Variants in SOS2 observed in about 807,000 individuals in gnomAD.
SOS2 encodes the protein son of sevenless homolog 2.
SOS2 carries 65 observed loss-of-function variants against 148.2 expected under a neutral mutation model. That is an observed-to-expected ratio of 0.44 (90% CI 0.36 to 0.54). SOS2 has a LOEUF of 0.54. Ranked by LOEUF, SOS2 falls within the 20% of genes least tolerant of loss-of-function variation. The probability of loss-of-function intolerance (pLI) is 0.00; values close to 1 mark genes in which losing one functional copy is unlikely to be tolerated. For missense variants in SOS2, 1,341 were observed against 1,590.2 expected (o/e 0.84, Z 2.67); for synonymous variants, 539 against 537.1 (o/e 1.00, Z -0.05).
At chr14:50,200,213 CCT>C (rs1317856222) in intron 3 of SOS2, among the ~76,000 whole-genome samples, 1 of 151,966 alleles carries the variant, frequency 6.6e-6, no homozygotes, top group East Asian at 1.9e-4. Flanking sequence ...ACCAGTATCC[CCT>C]AATTACAGTA....
chr14:50,203,956 C>T (rs1046160845), intron 2 of SOS2, among the ~76,000 whole-genome samples: 1 of 151,972 alleles, frequency 6.6e-6, no homozygotes, highest in African/African-American at 2.4e-5. Flanking sequence ...AGATATTTTC[C>T]AGAATTTTCT....
chr14:50,146,715 C>T (rs1884486542), intron 14 of SOS2, among the ~76,000 whole-genome samples: 1 of 152,036 alleles, frequency 6.6e-6, no homozygotes, highest in Non-Finnish European at 1.5e-5. Flanking sequence ...GCATTATTTG[C>T]AAGAGTGAAT....
At chr14:50,140,162 C>T in intron 16 of SOS2, 103 bp from the exon 17 acceptor site, 1 of 604,738 alleles carries the variant, frequency 1.7e-6, no homozygotes, top group Non-Finnish European at 2.9e-6. Flanking sequence ...ATCTGGAAAA[C>T]AATTTTTTTA....
At chr14:50,187,587 G>A (rs1885958718) in intron 5 of SOS2, among the ~76,000 whole-genome samples, 1 of 151,686 alleles carries the variant, frequency 6.6e-6, no homozygotes, top group Admixed American at 6.6e-5. Flanking sequence ...CTGACCACGT[G>A]ATCTGCCTGC....
chr14:50,150,208 T>G lies in SOS2; in HGVS notation c.2184A>C (p.Val728=), dbSNP rs776046903. ...SVRGKAMKKW[V]ESIAKIIRRK... The stretch of plus-strand genomic sequence containing the variant: ...TCCTGATGATCTTAGCAATTGACTC[T>G]ACCCATTTTTTCATAGCTTTCCCTG... The change falls in exon 14 of 23, where the codon GTA becomes GTC. Residue 728 remains valine (V), a synonymous_variant. Transcript: ENST00000216373. The G allele has an allele frequency of 1.1e-5, 17 of 1,611,038 alleles. No homozygotes were observed. The highest frequency in any genetic ancestry group is 1.4e-5 in the Non-Finnish European group (17 of 1,177,342).
chr14:50,134,930 G>T (rs1261810352), intron 18 of SOS2, among the ~76,000 whole-genome samples: 1 of 151,612 alleles, frequency 6.6e-6, no homozygotes, highest in Non-Finnish European at 1.5e-5. Flanking sequence ...AAAATTAGCT[G>T]GGCGTGGTGG....
chr14:50,150,503 T>C (rs974208778), intron 13 of SOS2, among the ~76,000 whole-genome samples: 6 of 152,162 alleles, frequency 3.9e-5, no homozygotes, highest in Admixed American at 3.9e-4. Context: ...GACAACTTCT[T>C]AATACATTGT....
intron 8 of SOS2, among the ~76,000 whole-genome samples, chr14:50,168,379 G>A (rs1033238943): frequency 7.2e-5 from 11 of 151,962 alleles, no homozygotes; most frequent in African/African-American, 2.7e-4. Context: ...GCATTACCAC[G>A]CTCAGCTAAT....
chr14:50,151,887 C>T (rs1884673757), intron 13 of SOS2, among the ~76,000 whole-genome samples: 1 of 151,998 alleles, frequency 6.6e-6, no homozygotes, highest in Non-Finnish European at 1.5e-5. Flanking sequence ...CCATGCTTGG[C>T]TAATTTTCAT....
rs921882697 is a variant in SOS2, at chr14:50,118,130, C to G, written c.*214G>C. 3 of 519,338 alleles carry G rather than the reference C, an allele frequency of 5.8e-6. No individual in the cohort carries two copies. In the Admixed American group the frequency reaches 1.1e-4, roughly 19 times the overall value. The allele number at this position is 519,338 out of a possible 1,614,324, so 32.2% of individuals were successfully genotyped here. A position where few individuals can be genotyped will look rare whatever the true frequency, so the allele number is the denominator to read the frequency against. ...CTGGCCTTTTGGCAGCACTGAGGAT[C>G]CAAGACAAGGCAATGCTACTGATCA... On this transcript the variant is annotated 3_prime_UTR_variant, in exon 23 of 23. Transcript: ENST00000216373.
In SOS2 at chr14:50,139,931, T is replaced by G. The variant is rs953396935; in HGVS notation, c.2785+11A>C. On this transcript the variant is annotated intron_variant, in intron 17 of 22. Coordinates refer to ENST00000216373, the MANE Select transcript of SOS2 (RefSeq NM_006939.4). ...CTCACCCTCAAAATATATCCATATT[T>G]AGTAACTTACCAAAAAAAGGCACAC... The G allele has an allele frequency of 7.6e-7, 1 of 1,319,278 alleles. No individual in the cohort carries two copies. Among genetic ancestry groups the G allele is most frequent in the Non-Finnish European group, 1.1e-6 (1 of 912,910 alleles). 81.7% of individuals were successfully genotyped at this position (1,319,278 alleles called of 1,614,324 possible). A position where few individuals can be genotyped will look rare whatever the true frequency, so the allele number is the denominator to read the frequency against.
intron 9 of SOS2, among the ~76,000 whole-genome samples, chr14:50,160,327 T>C (rs1884955473): frequency 6.6e-6 from 1 of 151,748 alleles, no homozygotes; most frequent in African/African-American, 2.4e-5. Context: ...CTTTCATAGA[T>C]TATATTTTTA....
rs1273822060 is a variant in SOS2, at chr14:50,130,759, T to C, written c.3079A>G (p.Arg1027Gly). 1 of 1,594,842 alleles carries C rather than the reference T, an allele frequency of 6.3e-7. No individual in the cohort carries two copies. The highest frequency in any genetic ancestry group is 2.2e-5 in the East Asian group (1 of 44,718). Residue 1027 changes from arginine to glycine, a missense_variant, in exon 20 of 23, where the codon AGG becomes GGG. Transcript: ENST00000216373. ...GATTTTAAGGAAAAAGTTGATTTCC[T>C]AGGCTGAGAAAAGCAAACATAATTA... Reference protein sequence around the residue: ...RNCKQPPRFPRKSTFSLKSPG... With the variant: ...RNCKQPPRFPGKSTFSLKSPG...
chr14:50,206,248 T>C (rs892850837), intron 1 of SOS2, among the ~76,000 whole-genome samples: 1 of 152,252 alleles, frequency 6.6e-6, no homozygotes, highest in Admixed American at 6.5e-5. Context: ...ATGTTTTCTC[T>C]AAAACTACTT....
intron 18 of SOS2, among the ~76,000 whole-genome samples, chr14:50,136,253 T>C (rs1260011541): frequency 6.6e-6 from 1 of 152,172 alleles, no homozygotes; most frequent in African/African-American, 2.4e-5. Context: ...TTTATTTAAG[T>C]ATGATTTGAA....
chr14:50,231,311 G>C lies in SOS2; in HGVS notation c.-28C>G. The stretch of plus-strand genomic sequence containing the variant: ...CCCCGGCGACAGCGCCTCCGCATCG[G>C]GGGCAGCCCGCGGGCCGGGCCGGTG... On this transcript the variant is annotated 5_prime_UTR_variant, in exon 1 of 23. Transcript: ENST00000216373. The C allele has an allele frequency of 3.0e-6, 4 of 1,331,304 alleles. No homozygotes were observed. Among genetic ancestry groups the C allele is most frequent in the Non-Finnish European group, 4.0e-6 (4 of 1,010,096 alleles). The allele number at this position is 1,331,304 out of a possible 1,614,324, so 82.5% of individuals were successfully genotyped here.
At chr14:50,212,999 G>A (rs550727092) in intron 1 of SOS2, among the ~76,000 whole-genome samples, 9 of 152,322 alleles carry the variant, frequency 5.9e-5, no homozygotes, top group African/African-American at 2.2e-4. Context: ...CTCTCACGTA[G>A]TCTTTCTCAT....
Position 50,127,234 on chromosome 14 carries a change from C to T in SOS2, c.3379+2727G>A, listed in dbSNP as rs113544111. ...TTGGATCACTGCAACCTCCACCTCC[C>T]GGGTTCAAGCAATTCTCCTGTCTCA... is the stretch of plus-strand genomic sequence containing the variant. On this transcript the variant is annotated intron_variant, in intron 21 of 22. Transcript: ENST00000216373. Among the ~76,000 whole-genome samples, 1,374 of 151,446 alleles carry T rather than the reference C, an allele frequency of 9.1e-3. 19 individuals are homozygous for T. The highest frequency in any genetic ancestry group is 0.032 in the African/African-American group (1,311 of 41,228).
intron 13 of SOS2, among the ~76,000 whole-genome samples, chr14:50,151,001 G>A (rs11157730): frequency 0.86 from 130,625 of 151,904 alleles, 56,288 homozygotes; most frequent in East Asian, 0.92. Flanking sequence ...GGGATTACAG[G>A]CGTGAGCCAC....
Sources: allele counts gnomAD v4.1 joint callset (sites outside exome capture counted in the v4.1 genomes callset), GRCh38; gene constraint gnomAD v4.1.1; transcripts MANE v1.5; gene names NCBI Gene and HGNC (gene_info 2026-07-23, HGNC 2026-07-21).